ATP8A2: variants seen among roughly 807,000 people sequenced by gnomAD.
ATP8A2 encodes phospholipid-transporting ATPase IB.
A neutral mutation model predicts 165.6 loss-of-function variants in ATP8A2; 100 were observed. That is an observed-to-expected ratio of 0.60 (90% CI 0.51 to 0.71). The LOEUF (loss-of-function observed/expected upper bound fraction) is 0.71, where lower values mean the gene tolerates loss of function less well. Ranked by LOEUF, ATP8A2 falls within the 30% of genes least tolerant of loss-of-function variation. The pLI is 0.00. For synonymous variants in ATP8A2, 543 were observed against 548.8 expected, an observed-to-expected ratio of 0.99 and a Z score of 0.15; for missense variants, 1,227 against 1,479.5, an observed-to-expected ratio of 0.83 and a Z score of 2.80.
At chr13:25,864,350 C>T (rs2138775596) in intron 33 of ATP8A2, among the ~76,000 whole-genome samples, 1 of 152,296 alleles carries the variant, frequency 6.6e-6, no homozygotes, top group South Asian at 2.1e-4. Flanking sequence ...ACATGTACTT[C>T]AGTAACTCCA....
rs539931084 is a variant in ATP8A2 at position 25,855,929 on chromosome 13, C to A, written c.2957-4266C>A. Among the ~76,000 whole-genome samples, 6 of 152,338 alleles carry A rather than the reference C, an allele frequency of 3.9e-5. 1 individual carries two copies. The highest frequency in any genetic ancestry group is 3.3e-4 in the Admixed American group (5 of 15,308). ...TGTTTTGCTGTTCTTCATGCACTTA[C>A]TGGCCATTTTGATATCTTCTTTGCA... On this transcript the variant is annotated intron_variant, in intron 30 of 36. Transcript: ENST00000381655.
intron 1 of ATP8A2, among the ~76,000 whole-genome samples, chr13:25,452,719 T>C (rs1421291402): frequency 6.6e-6 from 1 of 152,214 alleles, no homozygotes; most frequent in Admixed American, 6.5e-5. Flanking sequence ...TAGGTAAGGT[T>C]GAGGCTTGAA....
chr13:25,855,577 T>C (rs1952140508), intron 30 of ATP8A2, among the ~76,000 whole-genome samples: 1 of 152,244 alleles, frequency 6.6e-6, no homozygotes, highest in African/African-American at 2.4e-5. Context: ...ATGCTATTCA[T>C]TATTTTAAGC....
intron 28 of ATP8A2, among the ~76,000 whole-genome samples, chr13:25,829,961 C>A (rs1951421532): frequency 6.6e-6 from 1 of 150,896 alleles, no homozygotes; most frequent in South Asian, 2.1e-4. Context: ...ATTCCTGAGC[C>A]CCACCCCAGA....
intron 1 of ATP8A2, among the ~76,000 whole-genome samples, chr13:25,376,983 G>A (rs899410054): frequency 6.6e-5 from 10 of 152,166 alleles, no homozygotes; most frequent in African/African-American, 1.9e-4. Context: ...CTACAAGGCC[G>A]TCTTCTACCC....
intron 1 of ATP8A2, among the ~76,000 whole-genome samples, chr13:25,465,111 A>G (rs2035599534): frequency 6.6e-6 from 1 of 152,250 alleles, no homozygotes; most frequent in South Asian, 2.1e-4. Flanking sequence ...GTGTAAGCAT[A>G]TACTCATTTT....
intron 24 of ATP8A2, among the ~76,000 whole-genome samples, chr13:25,698,651 C>T (rs2042885999): frequency 6.6e-6 from 1 of 152,076 alleles, no homozygotes; most frequent in Non-Finnish European, 1.5e-5. Context: ...GGCAGTTTAA[C>T]TTGATTAGAT....
At chr13:25,747,351 A>T (rs534651801) in intron 25 of ATP8A2, among the ~76,000 whole-genome samples, 1 of 152,366 alleles carries the variant, frequency 6.6e-6, no homozygotes, top group Non-Finnish European at 1.5e-5. Context: ...TTAGTAGCGA[A>T]GTCAGTTTTC....
chr13:25,411,303 C>T (rs1021795642), intron 1 of ATP8A2, among the ~76,000 whole-genome samples: 1 of 152,236 alleles, frequency 6.6e-6, no homozygotes, highest in African/African-American at 2.4e-5. Flanking sequence ...GGTGTGTTTC[C>T]ACATGGTTGC....
At chr13:26,013,877 C>G (rs1213606251) in intron 36 of ATP8A2, among the ~76,000 whole-genome samples, 1 of 152,160 alleles carries the variant, frequency 6.6e-6, no homozygotes, top group Non-Finnish European at 1.5e-5. Flanking sequence ...CTCACTTTCC[C>G]ATGTGGAATA....
chr13:25,577,184 T>TAACAAAGC, intron 20 of ATP8A2, 46 bp downstream of exon 20: 2 of 1,498,448 alleles, frequency 1.3e-6, no homozygotes, highest in Non-Finnish European at 1.9e-6. Context: ...CTTGGCAGCT[T>TAACAAAGC]TGTTAATCTG....
chr13:25,554,235 T>C (rs1158251912), intron 12 of ATP8A2, among the ~76,000 whole-genome samples: 1 of 152,180 alleles, frequency 6.6e-6, no homozygotes, highest in Admixed American at 6.5e-5. Flanking sequence ...AGAAAAGGCC[T>C]CTTGGGTGTG....
intron 1 of ATP8A2, among the ~76,000 whole-genome samples, chr13:25,382,071 C>T (rs2032858303): frequency 6.6e-6 from 1 of 152,208 alleles, no homozygotes; most frequent in Non-Finnish European, 1.5e-5. Context: ...ATCCCCTGTG[C>T]TCCAGCTGTT....
intron 24 of ATP8A2, among the ~76,000 whole-genome samples, chr13:25,637,843 TGGGA>T (rs1377142722): frequency 1.3e-5 from 2 of 152,164 alleles, no homozygotes; most frequent in African/African-American, 4.8e-5. Flanking sequence ...GTAGCCTAAC[TGGGA>T]GGCATCCCCA....
At chr13:25,725,029 C>T (rs1414206993) in intron 25 of ATP8A2, among the ~76,000 whole-genome samples, 6 of 152,170 alleles carry the variant, frequency 3.9e-5, no homozygotes, top group African/African-American at 1.4e-4. Flanking sequence ...ATTTCCTGTC[C>T]TCCCAGAGTC....
chr13:25,942,399 C>T (rs75081104), intron 33 of ATP8A2, among the ~76,000 whole-genome samples: 1,835 of 152,184 alleles, frequency 0.012, 38 homozygotes, highest in African/African-American at 0.042. Context: ...AAAAGTTTTC[C>T]ATTGTTAATG....
intron 26 of ATP8A2, among the ~76,000 whole-genome samples, chr13:25,772,381 CA>C (rs1310659418): frequency 1.3e-5 from 2 of 152,142 alleles, no homozygotes; most frequent in Admixed American, 1.3e-4. Context: ...AGTTTAACAT[CA>C]GGGGGTCCCG....
intron 27 of ATP8A2, among the ~76,000 whole-genome samples, chr13:25,794,067 G>C (rs1043330278): frequency 9.2e-5 from 14 of 152,142 alleles, no homozygotes; most frequent in Admixed American, 9.2e-4. Flanking sequence ...TTCGTACTTG[G>C]TTGGTTTGTT....
At position 25,564,001 on chromosome 13, in the gene ATP8A2, C is replaced by G; in HGVS notation, c.1443C>G (p.Pro481=). ...PCSDSCDFDD[P]RLLKNIEDRH... ...GTGATTCCTGTGACTTTGATGACCC[C>G]AGGCTGTTGAAGAACATTGAGGATC... The change falls in exon 16 of 37, where the codon CCC becomes CCG. Residue 481 remains proline (P), a synonymous_variant. Transcript: ENST00000381655. 6.2e-7 allele frequency: 1 copy of G among 1,613,530 alleles called. No homozygotes were observed. The highest frequency in any genetic ancestry group is 8.5e-7 in the Non-Finnish European group (1 of 1,179,504).
Sources: allele counts gnomAD v4.1 joint callset (sites outside exome capture counted in the v4.1 genomes callset), GRCh38; gene constraint gnomAD v4.1.1; transcripts MANE v1.5; gene names NCBI Gene and HGNC (gene_info 2026-07-23, HGNC 2026-07-21).